Variants in PRKG1 observed in about 807,000 individuals in gnomAD.
PRKG1 encodes the protein protein kinase cGMP-dependent 1, also known as cGMP-dependent protein kinase 1.
In PRKG1, 35 loss-of-function variants were observed where a neutral mutation model predicts 88.1. The ratio of observed to expected loss-of-function variants is 0.40; its 90% CI spans 0.30 to 0.53. The LOEUF (loss-of-function observed/expected upper bound fraction) is 0.53. Among genes scored for constraint, PRKG1 ranks in the 20% least tolerant of loss-of-function variants. PRKG1 has a pLI of 0.59. For missense variants in PRKG1, 540 were observed against 839.8 expected (o/e 0.64, Z 4.41); for synonymous variants, 303 against 292.5 (o/e 1.04, Z -0.37).
At chr10:52,020,221 G>T (rs1845147398) in intron 5 of PRKG1, among the ~76,000 whole-genome samples, 1 of 151,892 alleles carries the variant, frequency 6.6e-6, no homozygotes, top group Non-Finnish European at 1.5e-5. Flanking sequence ...ATTTTATATT[G>T]TTCTTATTTC....
At chr10:51,936,969 A>G (rs985243039) in intron 5 of PRKG1, among the ~76,000 whole-genome samples, 2 of 152,148 alleles carry the variant, frequency 1.3e-5, no homozygotes, top group African/African-American at 4.8e-5. Flanking sequence ...AAGAGGAAGT[A>G]TAAGAGATTT....
intron 9 of PRKG1, among the ~76,000 whole-genome samples, chr10:52,192,009 A>G (rs772054109): frequency 1.3e-5 from 2 of 152,180 alleles, no homozygotes; most frequent in Non-Finnish European, 2.9e-5. Flanking sequence ...CCTATTAATT[A>G]TCAATTTTCA....
At chr10:51,629,142 T>G (rs1215773334) in intron 3 of PRKG1, among the ~76,000 whole-genome samples, 1 of 152,088 alleles carries the variant, frequency 6.6e-6, no homozygotes, top group East Asian at 1.9e-4. Context: ...TAAATTTTGT[T>G]TCAGGTATAT....
In PRKG1 at chr10:51,451,511, T is replaced by C. The variant is rs1839437726; in HGVS notation, c.479-16212T>C. On this transcript the variant is annotated intron_variant, in intron 2 of 17. Transcript: ENST00000373980. ...ATGAAGACTCAAACTCAGATTAATT[T>C]AGAGAAGATCTGTATTCATGGAAAT... Among the ~76,000 whole-genome samples the C allele has an allele frequency of 3.9e-5, 6 of 152,096 alleles. No individual in the cohort carries two copies. In the South Asian group the frequency reaches 1.2e-3, roughly 32 times the overall value.
intron 3 of PRKG1, among the ~76,000 whole-genome samples, chr10:51,656,150 A>G (rs551142484): frequency 2.0e-5 from 3 of 152,308 alleles, no homozygotes; most frequent in Non-Finnish European, 2.9e-5. Flanking sequence ...AACTTTTTCA[A>G]CCACAAACTT....
chr10:51,398,010 C>T (rs1044956605), intron 2 of PRKG1, among the ~76,000 whole-genome samples: 2 of 152,176 alleles, frequency 1.3e-5, no homozygotes, highest in African/African-American at 4.8e-5. Context: ...GTAATTATTG[C>T]AGCTCTTCAT....
intron 2 of PRKG1, among the ~76,000 whole-genome samples, chr10:51,161,587 T>G (rs1393097694): frequency 6.6e-6 from 1 of 152,186 alleles, no homozygotes; most frequent in African/African-American, 2.4e-5. Context: ...GCTGTACTTG[T>G]TTTGAGATGA....
intron 3 of PRKG1, among the ~76,000 whole-genome samples, chr10:51,733,716 C>T (rs1393470802): frequency 6.6e-6 from 1 of 152,094 alleles, no homozygotes; most frequent in Non-Finnish European, 1.5e-5. Flanking sequence ...TGAGCTCGGC[C>T]ATAAGTGGAT....
chr10:51,443,119 G>A (rs190897064), intron 2 of PRKG1, among the ~76,000 whole-genome samples: 1 of 143,960 alleles, frequency 6.9e-6, no homozygotes, highest in East Asian at 1.9e-4. Flanking sequence ...GATCTTTAGC[G>A]AATACAGCTT....
At chr10:52,093,844 T>G (rs1847113113) in intron 7 of PRKG1, among the ~76,000 whole-genome samples, 1 of 152,084 alleles carries the variant, frequency 6.6e-6, no homozygotes, top group Non-Finnish European at 1.5e-5. Context: ...CTTCTATAGT[T>G]TTAAACTCTG....
At chr10:51,335,624 A>G (rs1227026417) in intron 2 of PRKG1, among the ~76,000 whole-genome samples, 2 of 151,962 alleles carry the variant, frequency 1.3e-5, no homozygotes, top group African/African-American at 4.8e-5. Flanking sequence ...CTCGGCCTCC[A>G]AGGTTCAAGT....
intron 2 of PRKG1, among the ~76,000 whole-genome samples, chr10:51,376,848 A>T (rs1263655186): frequency 1.3e-5 from 2 of 151,398 alleles, no homozygotes; most frequent in African/African-American, 4.8e-5. Context: ...CTAATTTTGT[A>T]TTTTTTTTAG....
intron 2 of PRKG1, among the ~76,000 whole-genome samples, chr10:51,248,766 CAA>C (rs1839355970): frequency 6.6e-6 from 1 of 151,484 alleles, no homozygotes; most frequent in East Asian, 1.9e-4. Flanking sequence ...TACAGTATAA[CAA>C]ATTCTATGTC....
intron 3 of PRKG1, among the ~76,000 whole-genome samples, chr10:51,708,412 G>A (rs1433221724): frequency 3.3e-5 from 5 of 152,144 alleles, no homozygotes; most frequent in South Asian, 2.1e-4. Context: ...AATTGACTCC[G>A]TAACAAGCAG....
chr10:51,252,765 T>C, intron 2 of PRKG1, among the ~76,000 whole-genome samples: 1 of 151,818 alleles, frequency 6.6e-6, no homozygotes, highest in Admixed American at 6.6e-5. Context: ...TCTTCATTCT[T>C]TAAATGGAAA....
chr10:51,850,668 C>T (rs1329943318), intron 4 of PRKG1, among the ~76,000 whole-genome samples: 3 of 151,932 alleles, frequency 2.0e-5, no homozygotes, highest in African/African-American at 7.3e-5. Flanking sequence ...TACAGCCTAA[C>T]AGAAAAATGG....
intron 3 of PRKG1, among the ~76,000 whole-genome samples, chr10:51,605,637 T>C (rs1838744911): frequency 1.3e-5 from 2 of 152,302 alleles, no homozygotes; most frequent in African/African-American, 2.4e-5. Context: ...TCTAATACCA[T>C]CCTGCAAAGT....
chr10:52,235,003 C>A (rs1277792485), intron 9 of PRKG1, among the ~76,000 whole-genome samples: 1 of 109,944 alleles, frequency 9.1e-6, no homozygotes, highest in African/African-American at 3.9e-5. Flanking sequence ...AGAGTGGGGG[C>A]CAATATTCAA....
At chr10:51,654,808 G>A (rs925866600) in intron 3 of PRKG1, among the ~76,000 whole-genome samples, 3 of 151,706 alleles carry the variant, frequency 2.0e-5, no homozygotes, top group African/African-American at 7.3e-5. Context: ...TAATTATTTC[G>A]GTTTCTCATC....
Sources: allele counts gnomAD v4.1 joint callset (sites outside exome capture counted in the v4.1 genomes callset), GRCh38; gene constraint gnomAD v4.1.1; transcripts MANE v1.5; gene names NCBI Gene and HGNC (gene_info 2026-07-23, HGNC 2026-07-21).